HNRNPD: variants seen among roughly 807,000 people sequenced by gnomAD.
HNRNPD encodes the protein heterogeneous nuclear ribonucleoprotein D0.
HNRNPD carries 3 observed loss-of-function variants against 47.9 expected under a neutral mutation model. The ratio of observed to expected loss-of-function variants is 0.06; its 90% CI spans 0.03 to 0.16. The LOEUF (loss-of-function observed/expected upper bound fraction) is 0.16, where lower values mean the gene tolerates loss of function less well. Ranked by LOEUF, HNRNPD falls within the 10% of genes least tolerant of loss-of-function variation. The probability of loss-of-function intolerance (pLI) is 1.00; values close to 1 mark genes in which losing one functional copy is unlikely to be tolerated. For synonymous variants in HNRNPD, 171 were observed against 165.1 expected (o/e 1.04, Z -0.28); for missense variants, 287 against 454.2 (o/e 0.63, Z 3.35).
chr4:82,373,305 G>A lies in HNRNPD; in HGVS notation c.233+141C>T, dbSNP rs146612623. Reference sequence around the variant, plus strand: ...ATGAAGGTCCGGGGAACCCAACATAGAAAAAGGGAGACCAGTGCAAGGAGG... The same window carrying A: ...ATGAAGGTCCGGGGAACCCAACATAAAAAAAGGGAGACCAGTGCAAGGAGG... On this transcript the variant is annotated intron_variant, in intron 1 of 8. Coordinates refer to ENST00000313899, the MANE Select transcript of HNRNPD (RefSeq NM_031370.3). 482 of 1,160,850 alleles carry A rather than the reference G, an allele frequency of 4.2e-4. 6 individuals carry two copies. In the East Asian group the frequency reaches 0.012, roughly 28 times the overall value. 71.9% of individuals were successfully genotyped at this position (1,160,850 alleles called of 1,614,324 possible).
Position 82,373,619 on chromosome 4 carries a change from G to A in HNRNPD, c.60C>T (p.Gly20=), listed in dbSNP as rs1720252541. Residue 20 remains glycine (G), a synonymous_variant, in exon 1 of 9, where the codon GGC becomes GGT. Transcript: ENST00000313899. ...CTCCCTCCTGCTCGCCCGCCGAGCC[G>A]CCTACCGCCGCCGTTGCCGCTGCCG... is the stretch of plus-strand genomic sequence containing the variant. ...GAAAAATAAV[G]GSAGEQEGAM... 4 of 1,525,704 alleles carry A rather than the reference G, an allele frequency of 2.6e-6. No individual in the cohort carries two copies. In the East Asian group the frequency reaches 7.6e-5, roughly 29 times the overall value. The allele number at this position is 1,525,704 out of a possible 1,614,324, so 94.5% of individuals were successfully genotyped here. A position where few individuals can be genotyped will look rare whatever the true frequency, so the allele number is the denominator to read the frequency against.
chr4:82,369,702 AG>A, intron 2 of HNRNPD, among the ~76,000 whole-genome samples: 1 of 144,650 alleles, frequency 6.9e-6, no homozygotes, highest in Admixed American at 6.7e-5. Context: ...AAAAAAAAAG[AG>A]AGAGAAAAAA....
intron 1 of HNRNPD, 64 bp downstream of exon 1, chr4:82,373,381 CG>C: frequency 7.2e-7 from 1 of 1,398,168 alleles, no homozygotes; most frequent in Non-Finnish European, 9.3e-7. Context: ...GGCCTAATGG[CG>C]GGGGAATAAA....
At chr4:82,372,284 A>C (rs1720084481) in intron 1 of HNRNPD, among the ~76,000 whole-genome samples, 1 of 152,214 alleles carries the variant, frequency 6.6e-6, no homozygotes, top group African/African-American at 2.4e-5. Context: ...CTCCCGTATT[A>C]TGTTCCCAAT....
At chr4:82,372,099 G>C (rs371691330) in intron 1 of HNRNPD, among the ~76,000 whole-genome samples, 1 of 151,704 alleles carries the variant, frequency 6.6e-6, no homozygotes, top group Non-Finnish European at 1.5e-5. Flanking sequence ...CTAGATTAAA[G>C]CGACATCTTG....
At chr4:82,372,820 A>G (rs1189564705) in intron 1 of HNRNPD, among the ~76,000 whole-genome samples, 3 of 152,186 alleles carry the variant, frequency 2.0e-5, no homozygotes, top group Non-Finnish European at 4.4e-5. Context: ...TAGGGCCTGT[A>G]TGAGTATGCC....
intron 4 of HNRNPD, chr4:82,358,163 G>A (rs1346158122): frequency 2.0e-5 from 3 of 152,896 alleles, no homozygotes; most frequent in Non-Finnish European, 4.4e-5. Context: ...GTCCAGGATG[G>A]TCTTCATCTC....
intron 2 of HNRNPD, among the ~76,000 whole-genome samples, chr4:82,370,377 CAT>C (rs1261695741): frequency 6.6e-6 from 1 of 152,180 alleles, no homozygotes; most frequent in African/African-American, 2.4e-5. Flanking sequence ...GAAACAATTA[CAT>C]GAGACTCAAA....
intron 4 of HNRNPD, 43 bp from the exon 5 acceptor site, chr4:82,357,487 A>T: frequency 6.5e-7 from 1 of 1,545,754 alleles, no homozygotes; most frequent in East Asian, 2.3e-5. Context: ...CATGCATTTT[A>T]TTGACCTTAA....
Position 82,373,866 on chromosome 4 carries a change from C to T in HNRNPD, c.-188G>A, listed in dbSNP as rs1720284592. The T allele has an allele frequency of 7.6e-7, 1 of 1,323,136 alleles. No homozygotes were observed. Among genetic ancestry groups the T allele is most frequent in the Non-Finnish European group, 9.9e-7 (1 of 1,005,288 alleles). The allele number at this position is 1,323,136 out of a possible 1,614,324, so 82.0% of individuals were successfully genotyped here. A position where few individuals can be genotyped will look rare whatever the true frequency, so the allele number is the denominator to read the frequency against. On this transcript the variant is annotated 5_prime_UTR_variant, in exon 1 of 9. Transcript: ENST00000313899. ...TCCCTGGCCTGCCCCCTTCGCCTCC[C>T]ACTCTCGCGCGGCGCACACTCCCGC... is the stretch of plus-strand genomic sequence containing the variant.
intron 8 of HNRNPD, chr4:82,354,567 A>G (rs924643428): frequency 1.3e-5 from 2 of 152,690 alleles, no homozygotes; most frequent in Non-Finnish European, 2.9e-5. Flanking sequence ...TACTGTAATT[A>G]TAGGAAGTTG....
chr4:82,371,382 A>T (rs1720039454), intron 2 of HNRNPD, 146 bp downstream of exon 2: 1 of 526,476 alleles, frequency 1.9e-6, no homozygotes, highest in South Asian at 3.3e-5. Flanking sequence ...TGCCTATAAA[A>T]GGTATATATC....
At position 82,373,801 on chromosome 4, in the gene HNRNPD, A is replaced by G. The variant is rs1720279435; in HGVS notation, c.-123T>C. 1.3e-6 allele frequency: 2 copies of G among 1,505,082 alleles called. No individual in the cohort carries two copies. The highest frequency in any genetic ancestry group is 2.4e-5 in the South Asian group (2 of 82,458). 93.2% of individuals were successfully genotyped at this position (1,505,082 alleles called of 1,614,324 possible). ...CTCTACCTCGCGAAGCACACAAGAC[A>G]GGGAAGGCGCGCGCGTGGCTGCAAA... On this transcript the variant is annotated 5_prime_UTR_variant, in exon 1 of 9. Transcript: ENST00000313899.
At chr4:82,365,627 A>T (rs894309538) in intron 2 of HNRNPD, among the ~76,000 whole-genome samples, 4 of 152,078 alleles carry the variant, frequency 2.6e-5, no homozygotes, top group Non-Finnish European at 5.9e-5. Context: ...CTTTTTTGAG[A>T]CAGAGTCTCG....
chr4:82,373,371 G>C, intron 1 of HNRNPD, 75 bp downstream of exon 1: 1 of 1,516,898 alleles, frequency 6.6e-7, no homozygotes, highest in East Asian at 2.4e-5. Context: ...GCGGGAACCA[G>C]GCCTAATGGC....
chr4:82,368,204 A>G (rs1352135509), intron 2 of HNRNPD, among the ~76,000 whole-genome samples: 1 of 152,230 alleles, frequency 6.6e-6, no homozygotes, highest in East Asian at 1.9e-4. Flanking sequence ...TATGACTTGA[A>G]GGCTAAAACT....
intron 2 of HNRNPD, among the ~76,000 whole-genome samples, chr4:82,362,022 C>A (rs1719471917): frequency 6.6e-6 from 1 of 152,170 alleles, no homozygotes. Context: ...CACCGCCTGC[C>A]CTCTCTAATC....
chr4:82,370,979 TATACACAC>T (rs1222703731), intron 2 of HNRNPD, among the ~76,000 whole-genome samples: 3 of 78,200 alleles, frequency 3.8e-5, no homozygotes, highest in African/African-American at 1.0e-4. Context: ...ATGGTATATA[TATACACAC>T]ACACACACAC....
At chr4:82,373,081 G>C in intron 1 of HNRNPD, 2 of 492,484 alleles carry the variant, frequency 4.1e-6, no homozygotes, top group South Asian at 3.1e-5. Flanking sequence ...TGTAGAAAAA[G>C]GGAAAAAGAG....
Sources: gnomAD v4.1 joint callset for allele counts (sites outside exome capture counted in the v4.1 genomes callset) on GRCh38, gnomAD v4.1.1 for gene constraint, MANE v1.5 for transcripts, NCBI Gene and HGNC (gene_info 2026-07-23, HGNC 2026-07-21) for gene names.